NLRP14: variants seen among roughly 807,000 people sequenced by gnomAD.
NLRP14 encodes the protein NLR family pyrin domain containing 14, also known as NACHT, LRR and PYD domains-containing protein 14.
NLRP14 carries 105 observed loss-of-function variants against 94.7 expected under a neutral mutation model. The observed-to-expected ratio is 1.11, with a 90% CI of 0.95 to 1.30. The LOEUF is 1.30. Ranked by LOEUF, NLRP14 falls within the 50% of genes most tolerant of loss-of-function variation. The pLI is 0.00. For synonymous variants in NLRP14, 508 were observed against 459.9 expected (o/e 1.10, Z -1.34); for missense variants, 1,362 against 1,254.1 (o/e 1.09, Z -1.30).
the NLRP14 span, chr11:7,089,894 C>T: frequency 1.9e-6 from 3 of 1,612,836 alleles, no homozygotes; most frequent in African/African-American, 1.3e-5. Context: ...GAGGCTACAG[C>T]GACCGAGACG....
rs1167938484 is a variant in NLRP14 at position 7,023,552 on chromosome 11, TTATTTA to T, written c.-22+2792_-22+2797del. Among the ~76,000 whole-genome samples, 213 of 144,642 alleles carry T rather than the reference TTATTTA, an allele frequency of 1.5e-3. 5 individuals are homozygous for T. In the South Asian group the frequency reaches 0.044, roughly 30 times the overall value. The allele number at this position is 144,642 out of a possible 152,430, so 94.9% of individuals were successfully genotyped here. ...ATATTTATATTTATATTAATATATTTTATTTATATTTATATATAAAAATCTCCAAGC... is the reference window on the plus strand; with the variant it reads ...ATATTTATATTTATATTAATATATTTTATTTATATATAAAAATCTCCAAGC... On this transcript the variant is annotated intron_variant, in intron 1 of 11. Coordinates refer to ENST00000299481, the MANE Select transcript of NLRP14 (RefSeq NM_176822.4).
chr11:7,028,454 A>T (rs968776018), intron 1 of NLRP14, among the ~76,000 whole-genome samples: 2 of 152,156 alleles, frequency 1.3e-5, no homozygotes, highest in African/African-American at 4.8e-5. Context: ...TTATTATAAT[A>T]GCCTCTTAAC....
intron 5 of NLRP14, among the ~76,000 whole-genome samples, chr11:7,048,160 T>C (rs1852387515): frequency 6.6e-6 from 1 of 152,250 alleles, no homozygotes; most frequent in Non-Finnish European, 1.5e-5. Context: ...TATTCCATTG[T>C]ATAACTATAC....
Position 7,043,596 on chromosome 11 carries a change from CA to C in NLRP14, c.1571del (p.His524LeufsTer2). The C allele has an allele frequency of 6.2e-7, 1 of 1,614,184 alleles. No individual in the cohort carries two copies. Among genetic ancestry groups the C allele is most frequent in the Non-Finnish European group, 8.5e-7 (1 of 1,180,030 alleles). On this transcript the variant is annotated frameshift_variant, in exon 4 of 12. Coordinates refer to ENST00000299481, the MANE Select transcript of NLRP14 (RefSeq NM_176822.4). LOFTEE classifies it high-confidence loss of function. The part of the protein sequence containing the change: ...LLQSTSYKDP[H>X]LTQMKCFLFG... ...TCAAAGCACAAGTTATAAAGACCCC[CA>C]TTTGACACAGATGAAGTGCTTTTTG...
chr11:7,052,951 A>G (rs893308799), intron 6 of NLRP14, among the ~76,000 whole-genome samples: 12 of 152,330 alleles, frequency 7.9e-5, no homozygotes, highest in African/African-American at 2.6e-4. Context: ...CCTCTTCTCC[A>G]TTCAAAATTT....
chr11:7,081,937 A>C, the NLRP14 span, among the ~76,000 whole-genome samples: 1 of 152,132 alleles, frequency 6.6e-6, no homozygotes, highest in Non-Finnish European at 1.5e-5. Context: ...CCATTCACAG[A>C]GTTTGTTTCT....
chr11:7,039,832 T>A, intron 3 of NLRP14, 47 bp downstream of exon 3: 1 of 1,380,280 alleles, frequency 7.2e-7, no homozygotes, highest in Non-Finnish European at 1.0e-6. Context: ...TTCAAAGTTT[T>A]GATACAGGAC....
intron 5 of NLRP14, among the ~76,000 whole-genome samples, chr11:7,047,930 T>G (rs1248356621): frequency 6.6e-6 from 1 of 151,324 alleles, no homozygotes; most frequent in Non-Finnish European, 1.5e-5. Context: ...TGGCTAATTT[T>G]TGTATTTTTA....
chr11:7,038,200 T>C (rs1485775252), intron 1 of NLRP14, among the ~76,000 whole-genome samples: 1 of 152,144 alleles, frequency 6.6e-6, no homozygotes, highest in Non-Finnish European at 1.5e-5. Context: ...CCAGGTGATA[T>C]ATGAACCCTA....
Position 7,071,177 on chromosome 11 carries a change from T to G in NLRP14, c.3151T>G (p.Cys1051Gly), listed in dbSNP as rs762375325. ...PKCKLQVLGLCKEAFDEEAQK... is the reference protein window; with the variant it reads ...PKCKLQVLGLGKEAFDEEAQK... Reference sequence around the variant, plus strand: ...GATGTTCCCTTGTTTTCTCAGGTTGTGCAAAGAGGCATTTGATGAGGAAGC... The same window carrying G: ...GATGTTCCCTTGTTTTCTCAGGTTGGGCAAAGAGGCATTTGATGAGGAAGC... Residue 1051 changes from cysteine (C) to glycine (G), a missense_variant, in exon 12 of 12, where the codon TGC becomes GGC. Cys to Gly is a radical substitution (Grantham distance 159). Transcript: ENST00000299481. 2 of 1,613,996 alleles carry G rather than the reference T, an allele frequency of 1.2e-6. No homozygotes were observed. The highest frequency in any genetic ancestry group is 1.7e-6 in the Non-Finnish European group (2 of 1,179,986).
At chr11:7,082,088 A>G in the NLRP14 span, among the ~76,000 whole-genome samples, 8 of 152,208 alleles carry the variant, frequency 5.3e-5, no homozygotes, top group African/African-American at 1.9e-4. Flanking sequence ...CAAGGATTTT[A>G]GAAGGTCTGT....
intron 6 of NLRP14, among the ~76,000 whole-genome samples, chr11:7,052,722 A>G (rs1363581645): frequency 1.3e-5 from 2 of 152,214 alleles, no homozygotes; most frequent in Non-Finnish European, 2.9e-5. Flanking sequence ...CTAGAGTAAA[A>G]TATTACTTAA....
the NLRP14 span, chr11:7,089,312 C>T: frequency 9.3e-6 from 15 of 1,606,442 alleles, no homozygotes; most frequent in South Asian, 5.6e-5. Flanking sequence ...ACGCCAAGGC[C>T]GCCGCCAGAG....
chr11:7,058,574 T>G, intron 8 of NLRP14, 124 bp downstream of exon 8: 1 of 733,748 alleles, frequency 1.4e-6, no homozygotes, highest in South Asian at 1.6e-5. Flanking sequence ...ATGAAGAAGG[T>G]GAAAGTGATA....
At chr11:7,035,136 C>A (rs905678225) in intron 1 of NLRP14, among the ~76,000 whole-genome samples, 1 of 111,318 alleles carries the variant, frequency 9.0e-6, no homozygotes, top group Admixed American at 9.6e-5. Flanking sequence ...TACTAAAAAT[C>A]CAAAAATAAA....
At chr11:7,077,130 T>A in the NLRP14 span, among the ~76,000 whole-genome samples, 387 of 152,350 alleles carry the variant, frequency 2.5e-3, 2 homozygotes, top group Non-Finnish European at 4.4e-3. Context: ...TCTTTTTACA[T>A]TTCTTTAATT....
At chr11:7,033,653 C>T (rs1852125440) in intron 1 of NLRP14, among the ~76,000 whole-genome samples, 1 of 152,066 alleles carries the variant, frequency 6.6e-6, no homozygotes, top group East Asian at 1.9e-4. Context: ...TGCCATATTC[C>T]CTGTAAACAT....
the NLRP14 span, among the ~76,000 whole-genome samples, chr11:7,078,696 G>A: frequency 5.3e-5 from 8 of 151,876 alleles, no homozygotes; most frequent in African/African-American, 1.9e-4. Flanking sequence ...GCTGAAGCAG[G>A]AGAATTGCTT....
chr11:7,089,305 C>T, the NLRP14 span: 1 of 1,606,292 alleles, frequency 6.2e-7, no homozygotes, highest in East Asian at 2.2e-5. Context: ...CCCGCAGACG[C>T]CAAGGCCGCC....
Sources: allele counts gnomAD v4.1 joint callset (sites outside exome capture counted in the v4.1 genomes callset), GRCh38; gene constraint gnomAD v4.1.1; transcripts MANE v1.5; gene names NCBI Gene and HGNC (gene_info 2026-07-23, HGNC 2026-07-21).